Variants in DPP10 observed in about 807,000 individuals in gnomAD.
DPP10 encodes inactive dipeptidyl peptidase 10.
A neutral mutation model predicts 120.9 loss-of-function variants in DPP10; 33 were observed. The observed-to-expected ratio is 0.27, with a 90% CI of 0.21 to 0.37. The LOEUF (loss-of-function observed/expected upper bound fraction) is 0.37. DPP10 is among the 10% of genes least tolerant of loss of function. The probability of loss-of-function intolerance (pLI) is 1.00; values close to 1 mark genes in which losing one functional copy is unlikely to be tolerated. For synonymous variants in DPP10, 337 were observed against 326.1 expected (o/e 1.03, Z -0.36); for missense variants, 816 against 942.8 (o/e 0.87, Z 1.76).
At chr2:114,805,259 G>A (rs1197704570) in intron 1 of DPP10, among the ~76,000 whole-genome samples, 1 of 152,124 alleles carries the variant, frequency 6.6e-6, no homozygotes, top group Non-Finnish European at 1.5e-5. Flanking sequence ...AAAACAGACT[G>A]ATACACAAAG....
At chr2:115,611,241 TGAA>T (rs2084076293) in intron 5 of DPP10, among the ~76,000 whole-genome samples, 2 of 152,200 alleles carry the variant, frequency 1.3e-5, no homozygotes, top group South Asian at 4.1e-4. Context: ...TCTTCACTTT[TGAA>T]GAAGAGCGTA....
chr2:114,776,265 ACT>A (rs1171612365), intron 1 of DPP10, among the ~76,000 whole-genome samples: 1 of 151,910 alleles, frequency 6.6e-6, no homozygotes, highest in Non-Finnish European at 1.5e-5. Flanking sequence ...GGCCTGCTGA[ACT>A]CTCTTTTCTG....
chr2:114,804,148 T>G (rs993502433), intron 1 of DPP10, among the ~76,000 whole-genome samples: 2 of 152,200 alleles, frequency 1.3e-5, no homozygotes, highest in African/African-American at 2.4e-5. Flanking sequence ...GCCCCAAGCC[T>G]TGGCAGCTTC....
At chr2:115,180,692 A>G (rs942781892) in intron 1 of DPP10, among the ~76,000 whole-genome samples, 1 of 152,188 alleles carries the variant, frequency 6.6e-6, no homozygotes, top group Non-Finnish European at 1.5e-5. Context: ...ACATCTAACC[A>G]TGACATCCTC....
intron 12 of DPP10, among the ~76,000 whole-genome samples, chr2:115,763,354 A>C (rs571725855): frequency 6.6e-5 from 10 of 152,040 alleles, no homozygotes; most frequent in Non-Finnish European, 1.5e-4. Flanking sequence ...GAAATATCCA[A>C]ATTTATGCTT....
At chr2:114,987,486 T>C (rs1441356766) in intron 1 of DPP10, among the ~76,000 whole-genome samples, 1 of 152,190 alleles carries the variant, frequency 6.6e-6, no homozygotes, top group Non-Finnish European at 1.5e-5. Flanking sequence ...TCTCCTCTCA[T>C]GTCATCTCCT....
In DPP10 at chr2:115,338,741, GCAGA is replaced by G. The variant is rs148614927; in HGVS notation, c.176-5073_176-5070del. 1.7e-4 allele frequency among the ~76,000 whole-genome samples: 26 copies of G among 152,202 alleles called. 2 individuals are homozygous for G. The East Asian group carries it at 4.8e-3, about 28-fold the overall frequency. ...CATAGACACAAAACAAAATAAACCAGCAGACAAACAAAACTTCATATTAAGCCTC... is the reference window on the plus strand; with the variant it reads ...CATAGACACAAAACAAAATAAACCAGCAAACAAAACTTCATATTAAGCCTC... On this transcript the variant is annotated intron_variant, in intron 2 of 25. Transcript: ENST00000410059.
intron 1 of DPP10, among the ~76,000 whole-genome samples, chr2:114,939,485 T>C (rs527957049): frequency 2.6e-5 from 4 of 152,172 alleles, no homozygotes; most frequent in Non-Finnish European, 5.9e-5. Context: ...TTATTGTGAC[T>C]ACCTTAATAG....
intron 1 of DPP10, among the ~76,000 whole-genome samples, chr2:114,757,013 C>T (rs570324531): frequency 6.7e-6 from 1 of 150,270 alleles, no homozygotes; most frequent in East Asian, 2.0e-4. Context: ...ACGCTCACAA[C>T]ATATCAAGTC....
intron 7 of DPP10, among the ~76,000 whole-genome samples, chr2:115,702,147 A>T (rs1206394092): frequency 1.3e-5 from 2 of 151,978 alleles, no homozygotes; most frequent in Non-Finnish European, 2.9e-5. Flanking sequence ...AACAAGGTTA[A>T]TTTCCTTGTT....
intron 1 of DPP10, among the ~76,000 whole-genome samples, chr2:114,452,996 A>G (rs13416570): frequency 0.037 from 5,671 of 152,252 alleles, 332 homozygotes; most frequent in African/African-American, 0.13. Context: ...TAAATCTTGC[A>G]CCAATTCCTT....
At chr2:115,608,733 A>G (rs572211946) in intron 5 of DPP10, among the ~76,000 whole-genome samples, 2 of 152,300 alleles carry the variant, frequency 1.3e-5, no homozygotes, top group South Asian at 4.1e-4. Flanking sequence ...GAACAATAGT[A>G]AGAAAACTAA....
At chr2:114,610,197 G>A (rs765189679) in intron 1 of DPP10, among the ~76,000 whole-genome samples, 11 of 152,082 alleles carry the variant, frequency 7.2e-5, no homozygotes, top group Non-Finnish European at 1.5e-4. Context: ...TATCACAGGC[G>A]TATGTTTTGT....
At chr2:115,712,867 T>G (rs2092376811) in intron 7 of DPP10, among the ~76,000 whole-genome samples, 1 of 151,984 alleles carries the variant, frequency 6.6e-6, no homozygotes, top group South Asian at 2.1e-4. Flanking sequence ...TGTCATCAAG[T>G]CCATTGCAAA....
chr2:115,103,888 G>A (rs528356599), intron 1 of DPP10, among the ~76,000 whole-genome samples: 12 of 152,206 alleles, frequency 7.9e-5, no homozygotes, highest in African/African-American at 2.9e-4. Flanking sequence ...GACCAGAAGT[G>A]TTTTGGATTT....
intron 7 of DPP10, among the ~76,000 whole-genome samples, chr2:115,710,272 A>G (rs2092273028): frequency 6.6e-6 from 1 of 152,140 alleles, no homozygotes; most frequent in African/African-American, 2.4e-5. Context: ...AAACCACTAA[A>G]TTTCCTCTTA....
chr2:115,059,721 A>G (rs941282181), intron 1 of DPP10, among the ~76,000 whole-genome samples: 1 of 151,798 alleles, frequency 6.6e-6, no homozygotes. Context: ...TGGAAGAAAA[A>G]TAAGCTGATG....
At chr2:114,620,811 C>T (rs932642330) in intron 1 of DPP10, among the ~76,000 whole-genome samples, 3 of 152,064 alleles carry the variant, frequency 2.0e-5, no homozygotes, top group Middle Eastern at 3.4e-3. Flanking sequence ...ACAAAAATGC[C>T]GCATCTTGGT....
intron 1 of DPP10, among the ~76,000 whole-genome samples, chr2:115,268,271 T>A (rs569158579): frequency 6.6e-6 from 1 of 151,988 alleles, no homozygotes; most frequent in African/African-American, 2.4e-5. Context: ...AGCTGCAGTT[T>A]ATAGGGGAAA....
Sources: allele counts gnomAD v4.1 joint callset (sites outside exome capture counted in the v4.1 genomes callset), GRCh38; gene constraint gnomAD v4.1.1; transcripts MANE v1.5; gene names NCBI Gene and HGNC (gene_info 2026-07-23, HGNC 2026-07-21).